Variants in KNTC1 observed in about 807,000 individuals in gnomAD.
KNTC1 encodes kinetochore associated 1.
Under a neutral mutation model 314.4 loss-of-function variants are expected in KNTC1, and 253 were observed. The observed-to-expected ratio is 0.80, with a 90% CI of 0.73 to 0.89. KNTC1 has a LOEUF of 0.89. KNTC1 is among the 40% of genes least tolerant of loss of function. The pLI, the probability that KNTC1 is intolerant of heterozygous loss-of-function variation, is 0.00. For synonymous variants in KNTC1, 901 were observed against 901.4 expected, an observed-to-expected ratio of 1.00 and a Z score of 0.01; for missense variants, 2,475 against 2,572.9, an observed-to-expected ratio of 0.96 and a Z score of 0.82.
At chr12:122,543,495 C>G in intron 6 of KNTC1, 105 bp from the exon 7 acceptor site, 1 of 845,692 alleles carries the variant, frequency 1.2e-6, no homozygotes, top group East Asian at 2.8e-5. Context: ...CACCAGTGTT[C>G]TTTGAACTAG....
At chr12:122,552,412 T>C (rs1056559484) in intron 16 of KNTC1, among the ~76,000 whole-genome samples, 2 of 152,194 alleles carry the variant, frequency 1.3e-5, no homozygotes, top group Non-Finnish European at 2.9e-5. Flanking sequence ...TCACCCAGGC[T>C]GGAGTACAGT....
intron 12 of KNTC1, 108 bp from the exon 13 acceptor site, chr12:122,549,658 G>A (rs574029111): frequency 1.2e-3 from 816 of 657,852 alleles, no homozygotes; most frequent in Non-Finnish European, 1.9e-3. Flanking sequence ...GAGCCACCAC[G>A]CCCAGCCGCT....
intron 36 of KNTC1, 29 bp from the exon 37 acceptor site, chr12:122,585,605 TTC>T: frequency 6.2e-7 from 1 of 1,610,894 alleles, no homozygotes; most frequent in Non-Finnish European, 8.5e-7. Context: ...GCGTACTGAG[TTC>T]TCTCTTTTTT....
chr12:122,603,620 G>A (rs1228231779), intron 48 of KNTC1, among the ~76,000 whole-genome samples: 1 of 152,026 alleles, frequency 6.6e-6, no homozygotes, highest in Non-Finnish European at 1.5e-5. Flanking sequence ...AGTCCCCCGA[G>A]TAGCTGGGAC....
chr12:122,555,003 CCG>C (rs1963482954), intron 16 of KNTC1, among the ~76,000 whole-genome samples: 1 of 152,136 alleles, frequency 6.6e-6, no homozygotes, highest in Admixed American at 6.6e-5. Context: ...TATGATTACA[CCG>C]CTGCATTTTA....
At position 122,572,994 on chromosome 12, in the gene KNTC1, C is replaced by A; in HGVS notation, c.2077C>A (p.Arg693=). The A allele has an allele frequency of 1.2e-6, 2 of 1,608,180 alleles. No individual in the cohort carries two copies. The highest frequency in any genetic ancestry group is 1.7e-6 in the Non-Finnish European group (2 of 1,176,464). Residue 693 remains arginine (R), a synonymous_variant, in exon 25 of 64, where the codon CGA becomes AGA. Transcript: ENST00000333479. ...GCTAAGGACTTTGGTAAATAACTTGCGAGAGTTGATCACGTTGCATAGGAA... is the reference window on the plus strand; with the variant it reads ...GCTAAGGACTTTGGTAAATAACTTGAGAGAGTTGATCACGTTGCATAGGAA... ...CQLRTLVNNL[R]ELITLHRKYN...
chr12:122,549,684 C>G (rs1188004812), intron 12 of KNTC1, 82 bp from the exon 13 acceptor site: 1 of 742,168 alleles, frequency 1.3e-6, no homozygotes, highest in African/African-American at 1.8e-5. Context: ...GTGTTTTAAT[C>G]TGCTCTTAAT....
At chr12:122,576,058 G>A (rs1964996208) in intron 29 of KNTC1, among the ~76,000 whole-genome samples, 159 bp downstream of exon 29, 1 of 152,006 alleles carries the variant, frequency 6.6e-6, no homozygotes, top group Non-Finnish European at 1.5e-5. Flanking sequence ...AGTTATTTAT[G>A]AGAGTATTTA....
intron 43 of KNTC1, among the ~76,000 whole-genome samples, chr12:122,594,958 C>T (rs180836924): frequency 1.3e-5 from 2 of 152,350 alleles, no homozygotes; most frequent in African/African-American, 4.8e-5. Context: ...TCTCAGCTCA[C>T]CGCAGCCTCC....
At chr12:122,568,235 CT>C in intron 20 of KNTC1, 25 bp from the exon 21 acceptor site, 1 of 1,151,338 alleles carries the variant, frequency 8.7e-7, no homozygotes, top group Non-Finnish European at 1.3e-6. Flanking sequence ...TTAAAACTGA[CT>C]TTTTTCCCTT....
chr12:122,555,783 A>G (rs1215380497), intron 16 of KNTC1, among the ~76,000 whole-genome samples: 1 of 149,764 alleles, frequency 6.7e-6, no homozygotes, highest in Non-Finnish European at 1.5e-5. Flanking sequence ...CGGGAGGCAG[A>G]GGTTGCAGTG....
chr12:122,533,638 A>G (rs1014169477), intron 2 of KNTC1, among the ~76,000 whole-genome samples: 1 of 152,192 alleles, frequency 6.6e-6, no homozygotes, highest in Non-Finnish European at 1.5e-5. Flanking sequence ...TTAAGGCTGC[A>G]GTGAGTTATG....
intron 44 of KNTC1, among the ~76,000 whole-genome samples, chr12:122,601,021 A>T (rs1480630147): frequency 2.0e-5 from 3 of 152,006 alleles, no homozygotes; most frequent in Non-Finnish European, 4.4e-5. Flanking sequence ...TTTTTTTAGC[A>T]TGTATGTTTA....
chr12:122,615,746 C>G (rs7301082), intron 57 of KNTC1, among the ~76,000 whole-genome samples: 3,468 of 152,202 alleles, frequency 0.023, 146 homozygotes, highest in African/African-American at 0.08. Flanking sequence ...GTGATTGCAC[C>G]ATTGCACTCC....
rs1204004269 is a variant in KNTC1 at position 122,538,349 on chromosome 12, G to C, written c.261G>C (p.Val87=). The change falls in exon 4 of 64, where the codon GTG becomes GTC. Residue 87 remains valine, a synonymous_variant. Transcript: ENST00000333479. ...LQLHLVFDTE[V]DVVGLCQEGK... The stretch of plus-strand genomic sequence containing the variant: ...ATTTGAAATTTTCAGATACTGAAGT[G>C]GATGTAGTTGGCCTTTGTCAAGAAG... 4 of 1,584,656 alleles carry C rather than the reference G, an allele frequency of 2.5e-6. No individual in the cohort carries two copies. The African/African-American group carries it at 5.4e-5, about 21-fold the overall frequency.
At chr12:122,549,974 C>A in intron 13 of KNTC1, 110 bp downstream of exon 13, 1 of 600,332 alleles carries the variant, frequency 1.7e-6, no homozygotes. Flanking sequence ...TTAGTGGAAC[C>A]TAGTGGAAAC....
At chr12:122,615,568 T>C (rs1263009154) in intron 57 of KNTC1, 42 bp downstream of exon 57, 2 of 1,468,286 alleles carry the variant, frequency 1.4e-6, no homozygotes, top group East Asian at 2.5e-5. Context: ...ATTTAGTCTT[T>C]ATACTTTCTG....
intron 63 of KNTC1, among the ~76,000 whole-genome samples, chr12:122,624,912 TTA>T (rs1345260466): frequency 6.6e-6 from 1 of 152,252 alleles, no homozygotes; most frequent in Non-Finnish European, 1.5e-5. Context: ...TAATGTGGGC[TTA>T]GTCTTCAGAT....
chr12:122,623,072 A>G (rs1874613253), intron 62 of KNTC1, among the ~76,000 whole-genome samples: 1 of 152,228 alleles, frequency 6.6e-6, no homozygotes, highest in Non-Finnish European at 1.5e-5. Context: ...TAATCATTTA[A>G]TAACCCAATT....
Sources: allele counts gnomAD v4.1 joint callset (sites outside exome capture counted in the v4.1 genomes callset), GRCh38; gene constraint gnomAD v4.1.1; transcripts MANE v1.5; gene names NCBI Gene and HGNC (gene_info 2026-07-23, HGNC 2026-07-21).